The following ROBO2 variants were observed in gnomAD, a reference collection of about 807,000 sequenced individuals.
ROBO2 encodes roundabout guidance receptor 2.
A neutral mutation model predicts 160.8 loss-of-function variants in ROBO2; 53 were observed. The observed-to-expected ratio is 0.33, with a 90% CI of 0.26 to 0.41. ROBO2 has a LOEUF of 0.41. Among genes scored for constraint, ROBO2 ranks in the 10% least tolerant of loss-of-function variants. ROBO2 has a pLI of 1.00. For missense variants in ROBO2, 1,577 were observed against 1,722.4 expected (o/e 0.92, Z 1.49); for synonymous variants, 664 against 611.7 (o/e 1.09, Z -1.26).
intron 16 of ROBO2, among the ~76,000 whole-genome samples, chr3:77,586,497 A>T (rs2094052917): frequency 6.6e-6 from 1 of 151,972 alleles, no homozygotes; most frequent in South Asian, 2.1e-4. Flanking sequence ...ATTTCATTAT[A>T]TTTTTTTGTC....
intron 2 of ROBO2, among the ~76,000 whole-genome samples, chr3:76,231,439 A>T (rs1178232962): frequency 6.6e-6 from 1 of 152,066 alleles, no homozygotes; most frequent in African/African-American, 2.4e-5. Flanking sequence ...CCCTTGCCTG[A>T]TAGGTATACC....
intron 2 of ROBO2, among the ~76,000 whole-genome samples, chr3:76,781,227 T>C (rs1464956825): frequency 6.6e-6 from 1 of 150,754 alleles, no homozygotes; most frequent in Non-Finnish European, 1.5e-5. Flanking sequence ...TTGTTGTTAG[T>C]GTATAAAAAT....
intron 1 of ROBO2, among the ~76,000 whole-genome samples, chr3:75,910,435 C>T (rs568787890): frequency 2.0e-4 from 30 of 152,180 alleles, no homozygotes; most frequent in African/African-American, 7.0e-4. Context: ...CTTAAAAGTA[C>T]CATGTTCATG....
At chr3:75,974,427 A>G (rs2065081889) in intron 2 of ROBO2, among the ~76,000 whole-genome samples, 1 of 151,640 alleles carries the variant, frequency 6.6e-6, no homozygotes, top group East Asian at 2.0e-4. Flanking sequence ...ATTTTGAAAG[A>G]TAGGTGCATT....
chr3:76,041,698 G>A (rs1447664706), intron 2 of ROBO2, among the ~76,000 whole-genome samples: 1 of 151,730 alleles, frequency 6.6e-6, no homozygotes, highest in Non-Finnish European at 1.5e-5. Flanking sequence ...TTGGCATTTG[G>A]ATATCTCTTA....
intron 1 of ROBO2, among the ~76,000 whole-genome samples, chr3:75,908,359 A>C (rs1046908980): frequency 2.9e-4 from 44 of 152,140 alleles, no homozygotes; most frequent in Non-Finnish European, 5.1e-4. Context: ...AACAAATAAA[A>C]CTTGCATATT....
At chr3:75,946,897 A>C (rs1232293021) in intron 2 of ROBO2, among the ~76,000 whole-genome samples, 2 of 152,068 alleles carry the variant, frequency 1.3e-5, no homozygotes, top group African/African-American at 4.8e-5. Context: ...ACCTCTTAGG[A>C]GGGTGTACTC....
At chr3:76,178,880 G>T (rs2073326568) in intron 2 of ROBO2, among the ~76,000 whole-genome samples, 2 of 152,234 alleles carry the variant, frequency 1.3e-5, no homozygotes, top group South Asian at 2.1e-4. Context: ...GGCGGAGGTT[G>T]CAATGAGCTG....
chr3:76,383,114 C>G (rs2076717066), intron 2 of ROBO2, among the ~76,000 whole-genome samples: 1 of 151,856 alleles, frequency 6.6e-6, no homozygotes, highest in African/African-American at 2.4e-5. Context: ...ATGGAGTAGG[C>G]AGGGGAAAGG....
intron 2 of ROBO2, among the ~76,000 whole-genome samples, chr3:76,659,898 A>T (rs1377726090): frequency 6.6e-6 from 1 of 152,158 alleles, no homozygotes; most frequent in Non-Finnish European, 1.5e-5. Flanking sequence ...GTCAATATAC[A>T]GTGCTAAGAA....
At chr3:76,305,128 C>A (rs904525683) in intron 2 of ROBO2, among the ~76,000 whole-genome samples, 2 of 151,784 alleles carry the variant, frequency 1.3e-5, no homozygotes, top group African/African-American at 2.4e-5. Context: ...TTAGATCATG[C>A]CTTTAATTGA....
At chr3:76,651,902 G>C (rs1042331344) in intron 2 of ROBO2, among the ~76,000 whole-genome samples, 1 of 151,990 alleles carries the variant, frequency 6.6e-6, no homozygotes, top group African/African-American at 2.4e-5. Flanking sequence ...TCAAACTATT[G>C]TTTGATCTCA....
intron 2 of ROBO2, among the ~76,000 whole-genome samples, chr3:76,940,193 A>G (rs1277771713): frequency 6.6e-6 from 1 of 152,180 alleles, no homozygotes; most frequent in South Asian, 2.1e-4. Flanking sequence ...CGTGTTAGCC[A>G]GGATGGTCTC....
At chr3:75,993,804 C>T (rs1372201929) in intron 2 of ROBO2, among the ~76,000 whole-genome samples, 1 of 152,176 alleles carries the variant, frequency 6.6e-6, no homozygotes, top group African/African-American at 2.4e-5. Context: ...TATCCAAAAA[C>T]ATACAGGCTT....
chr3:76,578,258 T>C (rs2085437011), intron 2 of ROBO2, among the ~76,000 whole-genome samples: 1 of 152,168 alleles, frequency 6.6e-6, no homozygotes, highest in South Asian at 2.1e-4. Context: ...CTGTTATTTT[T>C]ATTACTATTG....
chr3:76,622,400 G>C (rs1301956553), intron 2 of ROBO2, among the ~76,000 whole-genome samples: 1 of 152,082 alleles, frequency 6.6e-6, no homozygotes, highest in African/African-American at 2.4e-5. Context: ...AGGAGTTCAA[G>C]GATAGCATGA....
At chr3:76,111,576 C>G (rs756445419) in intron 2 of ROBO2, among the ~76,000 whole-genome samples, 4 of 152,016 alleles carry the variant, frequency 2.6e-5, no homozygotes, top group Non-Finnish European at 4.4e-5. Context: ...TATTTCTGCC[C>G]ATTACGATTA....
chr3:76,914,620 C>T (rs1289445836), intron 2 of ROBO2, among the ~76,000 whole-genome samples: 1 of 151,980 alleles, frequency 6.6e-6, no homozygotes, highest in East Asian at 1.9e-4. Context: ...TAATTTTTGT[C>T]AATCGCTGGG....
intron 2 of ROBO2, among the ~76,000 whole-genome samples, chr3:76,781,934 T>A (rs10440066): frequency 0.34 from 50,750 of 150,540 alleles, 9,703 homozygotes; most frequent in Non-Finnish European, 0.43. Context: ...TCAGAGAAGA[T>A]CTGGCATTAA....
Sources: gnomAD v4.1 joint callset for allele counts (sites outside exome capture counted in the v4.1 genomes callset) on GRCh38, gnomAD v4.1.1 for gene constraint, MANE v1.5 for transcripts, NCBI Gene and HGNC (gene_info 2026-07-23, HGNC 2026-07-21) for gene names.